The following KLHDC4 variants were observed in gnomAD, a reference collection of about 807,000 sequenced individuals.
KLHDC4 encodes the protein kelch domain-containing protein 4.
KLHDC4 carries 90 observed loss-of-function variants against 62.4 expected under a neutral mutation model. The ratio of observed to expected loss-of-function variants is 1.44; its 90% CI spans 1.22 to 1.72. The LOEUF (loss-of-function observed/expected upper bound fraction) is 1.72, where lower values mean the gene tolerates loss of function less well. Ranked by LOEUF, KLHDC4 falls within the 40% of genes most tolerant of loss-of-function variation. The probability of loss-of-function intolerance (pLI) is 0.00; values close to 1 mark genes in which losing one functional copy is unlikely to be tolerated. For missense variants in KLHDC4, 1,025 were observed against 699.7 expected, an observed-to-expected ratio of 1.47 and a Z score of -5.25; for synonymous variants, 386 against 284.4, an observed-to-expected ratio of 1.36 and a Z score of -3.59.
rs781369809 is a variant in KLHDC4 at position 87,709,679 on chromosome 16, C to A, written c.1045-12G>T. 5.1e-6 allele frequency: 8 copies of A among 1,571,320 alleles called. No homozygotes were observed. Among genetic ancestry groups the A allele is most frequent in the Admixed American group, 1.8e-5 (1 of 54,588 alleles). On this transcript the variant is annotated splice_polypyrimidine_tract_variant and intron_variant, in intron 9 of 11. Transcript: ENST00000270583. Reference sequence around the variant, plus strand: ...TCAGACTTGGGTCCCTATTAATAGACCGAGGAAGCAGAGAGCAGCAGCTTC... The same window carrying A: ...TCAGACTTGGGTCCCTATTAATAGAACGAGGAAGCAGAGAGCAGCAGCTTC...
intron 5 of KLHDC4, among the ~76,000 whole-genome samples, chr16:87,744,988 C>CTCA (rs1555590895): frequency 2.0e-5 from 3 of 151,814 alleles, no homozygotes; most frequent in Admixed American, 2.0e-4. Context: ...TGCACACACG[C>CTCA]GGTGCACACA....
intron 6 of KLHDC4, among the ~76,000 whole-genome samples, chr16:87,727,766 A>G (rs989860890): frequency 1.3e-5 from 2 of 152,216 alleles, no homozygotes; most frequent in Non-Finnish European, 2.9e-5. Flanking sequence ...TTTTAAGGAA[A>G]GCATGGAAGA....
intron 7 of KLHDC4, among the ~76,000 whole-genome samples, chr16:87,720,548 C>A (rs1302276658): frequency 6.6e-6 from 1 of 152,074 alleles, no homozygotes; most frequent in Non-Finnish European, 1.5e-5. Flanking sequence ...AGACGCCGCG[C>A]CCCTGGGGAG....
intron 7 of KLHDC4, among the ~76,000 whole-genome samples, chr16:87,717,380 A>G (rs2037214487): frequency 6.6e-6 from 1 of 152,258 alleles, no homozygotes; most frequent in South Asian, 2.1e-4. Flanking sequence ...TGTATTTACT[A>G]TAATGGAAAA....
In KLHDC4 at chr16:87,730,557, A is replaced by G; in HGVS notation, c.594T>C (p.Ser198=). Residue 198 remains serine (S), a synonymous_variant, in exon 6 of 12, where the codon AGT becomes AGC. Coordinates refer to ENST00000270583, the MANE Select transcript of KLHDC4 (RefSeq NM_017566.4). ...QLILFGGFHE[S]TRDYIYYNDV... Reference sequence around the variant, plus strand: ...TTTCCGTTCTTGGTACCAACCGTGTACTTTCATGGAAGCCACCAAACAGGA... The same window carrying G: ...TTTCCGTTCTTGGTACCAACCGTGTGCTTTCATGGAAGCCACCAAACAGGA... The G allele has an allele frequency of 6.2e-7, 1 of 1,611,090 alleles. No homozygotes were observed. Among genetic ancestry groups the G allele is most frequent in the Non-Finnish European group, 8.5e-7 (1 of 1,179,146 alleles).
At chr16:87,739,952 A>G (rs1220811095) in intron 5 of KLHDC4, 1 of 152,228 alleles carries the variant, frequency 6.6e-6, no homozygotes, top group Non-Finnish European at 1.5e-5. Context: ...TGAATGACAC[A>G]TTTTAAAGGG....
intron 9 of KLHDC4, chr16:87,711,014 A>G (rs550089919): frequency 6.1e-5 from 33 of 538,232 alleles, no homozygotes; most frequent in African/African-American, 5.8e-4. Flanking sequence ...CTTCTGAGGT[A>G]GCAGCCCCGC....
chr16:87,755,496 C>G (rs909758317), intron 3 of KLHDC4: 6 of 451,338 alleles, frequency 1.3e-5, no homozygotes, highest in African/African-American at 1.2e-4. Context: ...CCACCAGGCC[C>G]ATCAATCTGG....
At chr16:87,754,835 T>C (rs1366166222) in intron 4 of KLHDC4, among the ~76,000 whole-genome samples, 2 of 152,190 alleles carry the variant, frequency 1.3e-5, no homozygotes, top group Non-Finnish European at 1.5e-5. Context: ...TTGTTTTCCT[T>C]CCACCATGCA....
At chr16:87,708,496 G>A (rs773603749) in intron 10 of KLHDC4, 30 bp from the exon 11 acceptor site, 13 of 1,542,526 alleles carry the variant, frequency 8.4e-6, no homozygotes, top group South Asian at 2.3e-5. Context: ...GCACATACAC[G>A]TCAGCGCAGC....
chr16:87,707,813 CTT>C lies in KLHDC4; in HGVS notation c.*262_*263del, dbSNP rs1397131953. ...CACAGAAGACACCCTCCGCGGTGGT[CTT>C]GTTTCAAGTCCAATTTATTTCACAC... is the stretch of plus-strand genomic sequence containing the variant. On this transcript the variant is annotated 3_prime_UTR_variant, in exon 12 of 12. Transcript: ENST00000270583. The C allele has an allele frequency of 5.2e-6, 2 of 387,922 alleles. No individual in the cohort carries two copies. Among genetic ancestry groups the C allele is most frequent in the Non-Finnish European group, 1.1e-5 (2 of 190,078 alleles). The allele number at this position is 387,922 out of a possible 1,614,324, so 24.0% of individuals were successfully genotyped here.
exon 1 of KLHDC4, chr16:87,701,072 G>T: frequency 5.3e-6 from 1 of 187,590 alleles, no homozygotes; most frequent in Non-Finnish European, 1.1e-5. Context: ...TGCATTTGTT[G>T]AAAAAAAGCC....
intron 6 of KLHDC4, among the ~76,000 whole-genome samples, chr16:87,727,282 G>C (rs971234437): frequency 2.0e-5 from 3 of 152,216 alleles, no homozygotes; most frequent in Non-Finnish European, 4.4e-5. Flanking sequence ...AGAGGCAGAG[G>C]AATTTAATCT....
intron 8 of KLHDC4, among the ~76,000 whole-genome samples, chr16:87,714,065 G>C (rs2036432522): frequency 6.6e-6 from 1 of 152,294 alleles, no homozygotes; most frequent in African/African-American, 2.4e-5. Context: ...CTGCCCAGCT[G>C]CTGCCCGCAA....
intron 7 of KLHDC4, among the ~76,000 whole-genome samples, chr16:87,718,473 G>T (rs536943477): frequency 1.3e-5 from 2 of 151,174 alleles, no homozygotes; most frequent in Non-Finnish European, 2.9e-5. Context: ...CTCCCTGCCT[G>T]ATTCTCCTGC....
chr16:87,704,597 G>A (rs1368407367), downstream of KLHDC4, among the ~76,000 whole-genome samples: 1 of 151,652 alleles, frequency 6.6e-6, no homozygotes, highest in African/African-American at 2.4e-5. Flanking sequence ...TCACGGAGAA[G>A]GAGGCGCCTG....
intron 1 of KLHDC4, among the ~76,000 whole-genome samples, chr16:87,764,826 C>A (rs543954826): frequency 3.9e-5 from 4 of 103,610 alleles, no homozygotes; most frequent in African/African-American, 2.0e-4. Context: ...GAGCAAGACT[C>A]TGTCAAAAAA....
chr16:87,732,677 A>C (rs1449412034), intron 5 of KLHDC4, among the ~76,000 whole-genome samples: 1 of 152,268 alleles, frequency 6.6e-6, no homozygotes, highest in African/African-American at 2.4e-5. Context: ...TTTAAGAATT[A>C]GATTCTTTAA....
rs557100836 is a variant in KLHDC4, at chr16:87,762,295, C to G, written c.100-255G>C. The G allele has an allele frequency of 5.5e-6, 3 of 540,822 alleles. No homozygotes were observed. In the African/African-American group the frequency reaches 5.9e-5, roughly 11 times the overall value. The allele number at this position is 540,822 out of a possible 1,614,324, so 33.5% of individuals were successfully genotyped here. ...CTCCACACCCTTAACGCTCCCTCTG[C>G]AAGACCTTCCACTTAGACAAGCCCG... is the stretch of plus-strand genomic sequence containing the variant. On this transcript the variant is annotated intron_variant, in intron 1 of 11. Coordinates refer to ENST00000270583, the MANE Select transcript of KLHDC4 (RefSeq NM_017566.4).
Sources: gnomAD v4.1 joint callset for allele counts (sites outside exome capture counted in the v4.1 genomes callset) on GRCh38, gnomAD v4.1.1 for gene constraint, MANE v1.5 for transcripts, NCBI Gene and HGNC (gene_info 2026-07-23, HGNC 2026-07-21) for gene names.